Variants in ANKLE1 observed in about 807,000 individuals in gnomAD.
ANKLE1 encodes structure-specific endonuclease ANKLE1.
A neutral mutation model predicts 56.2 loss-of-function variants in ANKLE1; 59 were observed. That is an observed-to-expected ratio of 1.05 (90% CI 0.85 to 1.30). ANKLE1 has a LOEUF of 1.30. ANKLE1 is among the 50% of genes most tolerant of loss of function. ANKLE1 has a pLI of 0.00. For missense variants in ANKLE1, 771 were observed against 816.1 expected, an observed-to-expected ratio of 0.94 and a Z score of 0.67; for synonymous variants, 341 against 352.9, an observed-to-expected ratio of 0.97 and a Z score of 0.38.
intron 6 of ANKLE1, among the ~76,000 whole-genome samples, chr19:17,284,684 C>CTTTTT (rs67967763): frequency 0.22 from 20,438 of 91,586 alleles, 3,198 homozygotes; most frequent in South Asian, 0.28. Flanking sequence ...GCACCGGCCT[C>CTTTTT]TTTTTTTTTT....
At position 17,282,145 on chromosome 19, in the gene ANKLE1, C is replaced by T; in HGVS notation, c.151C>T (p.Arg51Trp). The T allele has an allele frequency of 1.3e-6, 2 of 1,538,288 alleles. No homozygotes were observed. Among genetic ancestry groups the T allele is most frequent in the Middle Eastern group, 2.0e-4 (1 of 5,104 alleles). ...GGCTGTGCACTTGGCGGCCGGAGCC[C>T]GGCACCCGCGCGGCCTGCGTTGCCT... ...AAAVHLAAGA[R>W]HPRGLRCLGA... is the part of the protein sequence containing the mutation. The change falls in exon 2 of 9, where the codon CGG (arginine) becomes TGG (tryptophan). Residue 51 changes from arginine (R) to tryptophan (W), a missense_variant. By Grantham distance (101) the Arg-to-Trp change is moderately radical. Coordinates refer to ENST00000404085, the MANE Select transcript of ANKLE1 (RefSeq NM_152363.6).
chr19:17,283,331 A>T lies in ANKLE1; in HGVS notation c.567A>T (p.Gly189=). ...ACATTGGCTTGGAGGCTGACCCAGG[A>T]CCCCCCAGCCTCCCTGTTCCCCTTG... ...NRDIGLEADP[G]PPSLPVPLET... is the part of the protein sequence containing the mutation. The change falls in exon 5 of 9, where the codon GGA becomes GGT. Residue 189 remains glycine (G), a synonymous_variant. Transcript: ENST00000404085. The T allele has an allele frequency of 2.5e-6, 4 of 1,612,992 alleles. No individual in the cohort carries two copies. The highest frequency in any genetic ancestry group is 3.4e-6 in the Non-Finnish European group (4 of 1,179,828).
Position 17,285,605 on chromosome 19 carries a change from A to T in ANKLE1, c.1536+15A>T, listed in dbSNP as rs2074022882. ...CAAGAAAACAGGTGTGAGGACAGGG[A>T]TCAGGGTTCAGCGAGGGCAGTCGGG... is the stretch of plus-strand genomic sequence containing the variant. On this transcript the variant is annotated intron_variant, in intron 7 of 8. Coordinates refer to ENST00000404085, the MANE Select transcript of ANKLE1 (RefSeq NM_152363.6). 6.2e-7 allele frequency: 1 copy of T among 1,613,764 alleles called. No homozygotes were observed. The highest frequency in any genetic ancestry group is 1.3e-5 in the African/African-American group (1 of 74,922).
Position 17,286,679 on chromosome 19 carries a change from TGTGTGTGTGTGTTTG to T in ANKLE1, c.*128_*142del. 1 of 977,368 alleles carries T rather than the reference TGTGTGTGTGTGTTTG, an allele frequency of 1.0e-6. No homozygotes were observed. The highest frequency in any genetic ancestry group is 1.4e-6 in the Non-Finnish European group (1 of 716,676). 60.5% of individuals were successfully genotyped at this position (977,368 alleles called of 1,614,324 possible). ...GTGTGTGTGTGTGTGTGTGTGTGTG[TGTGTGTGTGTGTTTG>T]TGTGTGTGTGTGTGTGTGTAGGGAG... is the stretch of plus-strand genomic sequence containing the variant. On this transcript the variant is annotated 3_prime_UTR_variant, in exon 9 of 9. Coordinates refer to ENST00000404085, the MANE Select transcript of ANKLE1 (RefSeq NM_152363.6).
rs756593032 is a variant in ANKLE1 at position 17,286,393 on chromosome 19, C to T, written c.1689C>T (p.Leu563=). 7.6e-6 allele frequency: 12 copies of T among 1,573,130 alleles called. No individual in the cohort carries two copies. In the East Asian group the frequency reaches 2.0e-4, roughly 27 times the overall value. The change falls in exon 9 of 9, where the codon CTC becomes CTT. Residue 563 remains leucine (L), a synonymous_variant. Coordinates refer to ENST00000404085, the MANE Select transcript of ANKLE1 (RefSeq NM_152363.6). ...CIVEALGIQT[L]TNQKQGHCYG... ...CAATTTCTCCAGGGATCCAGACGCT[C>T]ACCAACCAGAAGCAAGGGCACTGCT...
In ANKLE1 at chr19:17,282,884, C is replaced by G; in HGVS notation, c.342C>G (p.Asp114Glu). 6.3e-7 allele frequency: 1 copy of G among 1,580,660 alleles called. No homozygotes were observed. Among genetic ancestry groups the G allele is most frequent in the Non-Finnish European group, 8.6e-7 (1 of 1,169,506 alleles). The stretch of plus-strand genomic sequence containing the variant: ...TGTAGGACGGACTCCGGCCGCTGGA[C>G]CTGGCCCTGCAGCAGGGACACCTGG... Reference protein sequence around the residue: ...LRDQDGLRPLDLALQQGHLEC... With the variant: ...LRDQDGLRPLELALQQGHLEC... Residue 114 changes from aspartate (D) to glutamate (E), a missense_variant, in exon 4 of 9, where the codon GAC (aspartate) becomes GAG (glutamate). By Grantham distance (45) the Asp-to-Glu change is conservative (BLOSUM62 2). Coordinates refer to ENST00000404085, the MANE Select transcript of ANKLE1 (RefSeq NM_152363.6).
intron 8 of ANKLE1, 85 bp downstream of exon 8, chr19:17,285,904 T>A: frequency 1.3e-6 from 2 of 1,545,630 alleles, no homozygotes; most frequent in Non-Finnish European, 1.8e-6. Context: ...TGAGGGGTGT[T>A]CATTTGTTGA....
rs1332710422 is a variant in ANKLE1 at position 17,282,987 on chromosome 19, G to A, written c.445G>A (p.Glu149Lys). 3.8e-6 allele frequency: 6 copies of A among 1,562,708 alleles called. No homozygotes were observed. In the East Asian group the frequency reaches 9.4e-5, roughly 24 times the overall value. ...TRIGAETQEP[E>K]PAPGTPGLSG... The stretch of plus-strand genomic sequence containing the variant: ...GATCGGGGCAGAGACTCAGGAGCCC[G>A]AGCCTGCACCTGGCAGTGAGTAGGG... The change falls in exon 4 of 9, where the codon GAG becomes AAG. Residue 149 changes from glutamate to lysine, a missense_variant. Physicochemically the swap from Glu to Lys is moderately conservative, Grantham distance 56. Transcript: ENST00000404085.
rs918934160 is a variant in ANKLE1 at position 17,282,860 on chromosome 19, G to C, written c.322-4G>C. 1.9e-6 allele frequency: 3 copies of C among 1,588,630 alleles called. No individual in the cohort carries two copies. Among genetic ancestry groups the C allele is most frequent in the African/African-American group, 2.7e-5 (2 of 74,746 alleles). ...GGCGCCCCCTGCTGACCGCGCCCCT[G>C]TAGGACGGACTCCGGCCGCTGGACC... On this transcript the variant is annotated splice_region_variant and splice_polypyrimidine_tract_variant and intron_variant, in intron 3 of 8. Transcript: ENST00000404085.
Position 17,286,674 on chromosome 19 carries a change from G to T in ANKLE1, c.*122G>T, listed in dbSNP as rs367668712. On this transcript the variant is annotated 3_prime_UTR_variant, in exon 9 of 9. Coordinates refer to ENST00000404085, the MANE Select transcript of ANKLE1 (RefSeq NM_152363.6). ...TGTGTGTGTGTGTGTGTGTGTGTGTGTGTGTGTGTGTGTGTGTTTGTGTGT... is the reference window on the plus strand; with the variant it reads ...TGTGTGTGTGTGTGTGTGTGTGTGTTTGTGTGTGTGTGTGTGTTTGTGTGT... The T allele has an allele frequency of 0.23, 312,732 of 1,335,684 alleles. 6,163 individuals carry two copies. The highest frequency in any genetic ancestry group is 0.26 in the Non-Finnish European group (257,344 of 1,009,152). 82.7% of individuals were successfully genotyped at this position (1,335,684 alleles called of 1,614,324 possible).
At chr19:17,284,967 G>A (rs969289877) in intron 6 of ANKLE1, among the ~76,000 whole-genome samples, 1 of 151,890 alleles carries the variant, frequency 6.6e-6, no homozygotes, top group African/African-American at 2.4e-5. Flanking sequence ...GGCATTACAG[G>A]CATGAGCCCC....
chr19:17,282,824 A>T, intron 3 of ANKLE1, 40 bp from the exon 4 acceptor site: 1 of 1,583,166 alleles, frequency 6.3e-7, no homozygotes, highest in South Asian at 1.1e-5. Flanking sequence ...AAGGAAGGTA[A>T]GAGGGCCTCG....
At chr19:17,284,383 CTT>C (rs60208686) in intron 6 of ANKLE1, 117 bp downstream of exon 6, 32 of 863,692 alleles carry the variant, frequency 3.7e-5, no homozygotes, top group Non-Finnish European at 4.9e-5. Flanking sequence ...GCTTCTTCTT[CTT>C]TTTTTTTATT....
At chr19:17,282,622 G>A in intron 2 of ANKLE1, 34 bp from the exon 3 acceptor site, 1 of 1,525,940 alleles carries the variant, frequency 6.6e-7, no homozygotes, top group Non-Finnish European at 8.8e-7. Flanking sequence ...GGGAGGCTGA[G>A]TCCGCAATGA....
In ANKLE1 at chr19:17,284,189, T is replaced by C; in HGVS notation, c.1299T>C (p.Phe433=). 6.2e-7 allele frequency: 1 copy of C among 1,613,840 alleles called. No homozygotes were observed. Among genetic ancestry groups the C allele is most frequent in the Non-Finnish European group, 8.5e-7 (1 of 1,179,870 alleles). ...ATGAAGACGCGCTGGCCCAGCAGTT[T>C]GAGCAGCCAGATCCTGCCAGGAGGT... The part of the protein sequence containing the change: ...QADEDALAQQ[F]EQPDPARRWR... Residue 433 remains phenylalanine (F), a synonymous_variant, in exon 6 of 9, where the codon TTT becomes TTC. Coordinates refer to ENST00000404085, the MANE Select transcript of ANKLE1 (RefSeq NM_152363.6).
Position 17,282,252 on chromosome 19 carries a change from A to G in ANKLE1, c.215+43A>G, listed in dbSNP as rs560870727. The G allele has an allele frequency of 2.0e-5, 29 of 1,445,746 alleles. No individual in the cohort carries two copies. The East Asian group carries it at 7.1e-4, about 35-fold the overall frequency. The allele number at this position is 1,445,746 out of a possible 1,614,324, so 89.6% of individuals were successfully genotyped here. Reference sequence around the variant, plus strand: ...TCCGGGGCGGGGTCTCCCCAAGCCGAAGTCTGGGAATCCGGGAAGGGGCGC... The same window carrying G: ...TCCGGGGCGGGGTCTCCCCAAGCCGGAGTCTGGGAATCCGGGAAGGGGCGC... On this transcript the variant is annotated intron_variant, in intron 2 of 8. Coordinates refer to ENST00000404085, the MANE Select transcript of ANKLE1 (RefSeq NM_152363.6).
In ANKLE1 at chr19:17,282,047, G is replaced by T; in HGVS notation, c.63-10G>T. Reference sequence around the variant, plus strand: ...TTGGCCGGGGTCCACTCTGACCGCGGTGTTTGCAGGGCAGTAGAGGAGCTG... The same window carrying T: ...TTGGCCGGGGTCCACTCTGACCGCGTTGTTTGCAGGGCAGTAGAGGAGCTG... On this transcript the variant is annotated splice_polypyrimidine_tract_variant and intron_variant, in intron 1 of 8. Coordinates refer to ENST00000404085, the MANE Select transcript of ANKLE1 (RefSeq NM_152363.6). The T allele has an allele frequency of 6.5e-7, 1 of 1,538,162 alleles. No homozygotes were observed. Among genetic ancestry groups the T allele is most frequent in the Non-Finnish European group, 8.7e-7 (1 of 1,146,608 alleles).
Position 17,282,899 on chromosome 19 carries a change from G to T in ANKLE1, c.357G>T (p.Gln119His). The T allele has an allele frequency of 6.3e-7, 1 of 1,577,902 alleles. No individual in the cohort carries two copies. Residue 119 changes from glutamine to histidine, a missense_variant, in exon 4 of 9, where the codon CAG (glutamine) becomes CAT (histidine). Physicochemically the swap from Gln to His is conservative, Grantham distance 24. Coordinates refer to ENST00000404085, the MANE Select transcript of ANKLE1 (RefSeq NM_152363.6). ...GGCCGCTGGACCTGGCCCTGCAGCAGGGACACCTGGAGTGCGCGCGAGTCC... is the reference window on the plus strand; with the variant it reads ...GGCCGCTGGACCTGGCCCTGCAGCATGGACACCTGGAGTGCGCGCGAGTCC... ...GLRPLDLALQQGHLECARVLQ... is the reference protein window; with the variant it reads ...GLRPLDLALQHGHLECARVLQ...
chr19:17,284,556 G>A (rs1437283516), intron 6 of ANKLE1, among the ~76,000 whole-genome samples: 5 of 151,398 alleles, frequency 3.3e-5, no homozygotes, highest in Non-Finnish European at 7.4e-5. Flanking sequence ...ACTAATTTTT[G>A]TATTTTTAGT....
Sources: allele counts gnomAD v4.1 joint callset (sites outside exome capture counted in the v4.1 genomes callset), GRCh38; gene constraint gnomAD v4.1.1; transcripts MANE v1.5; gene names NCBI Gene and HGNC (gene_info 2026-07-23, HGNC 2026-07-21).